The following SMCHD1 variants were observed in gnomAD, a reference collection of about 807,000 sequenced individuals.
The protein encoded by SMCHD1 is structural maintenance of chromosomes flexible hinge domain-containing protein 1.
Under a neutral mutation model 254.7 loss-of-function variants are expected in SMCHD1, and 78 were observed. The ratio of observed to expected loss-of-function variants is 0.31; its 90% confidence interval spans 0.26 to 0.37. SMCHD1 has a LOEUF of 0.37. Ranked by LOEUF, SMCHD1 falls within the 10% of genes least tolerant of loss-of-function variation. The probability of loss-of-function intolerance (pLI) is 1.00; values close to 1 mark genes in which losing one functional copy is unlikely to be tolerated. For missense variants in SMCHD1, 1,840 were observed against 2,408.1 expected (o/e 0.76, Z 4.94); for synonymous variants, 766 against 794.9 (o/e 0.96, Z 0.61).
intron 15 of SMCHD1, among the ~76,000 whole-genome samples, chr18:2,707,167 A>AAAG (rs138812223): frequency 3.9e-5 from 6 of 152,136 alleles, no homozygotes; most frequent in Non-Finnish European, 5.9e-5. Context: ...AGTGAGTTAT[A>AAAG]AAGAAGAAGA....
rs536581205 is a variant in SMCHD1 at position 2,803,342 on chromosome 18, A to G, written c.*790A>G. 6.6e-6 allele frequency: 1 copy of G among 151,352 alleles called. No homozygotes were observed. The highest frequency in any genetic ancestry group is 2.1e-4 in the South Asian group (1 of 4,814). The allele number at this position is 151,352 out of a possible 1,614,324, so 9.4% of individuals were successfully genotyped here. ...CATTTACATTATTTTGTAATTTTTT[A>G]TTACTATTTTTAAGGGGTTAAAGAG... On this transcript the variant is annotated 3_prime_UTR_variant, in exon 48 of 48. Coordinates refer to ENST00000320876, the MANE Select transcript of SMCHD1 (RefSeq NM_015295.3).
chr18:2,770,597 G>A (rs1410134577), intron 39 of SMCHD1, among the ~76,000 whole-genome samples: 1 of 152,026 alleles, frequency 6.6e-6, no homozygotes, highest in African/African-American at 2.4e-5. Context: ...AAAGTTTGCT[G>A]CAGTTTTGTT....
At chr18:2,747,777 AAAT>A (rs1357271072) in intron 30 of SMCHD1, 130 bp downstream of exon 30, 23 of 814,274 alleles carry the variant, frequency 2.8e-5, no homozygotes, top group African/African-American at 7.0e-5. Context: ...TGCTTAGTGT[AAAT>A]AAACCTCAAA....
intron 5 of SMCHD1, among the ~76,000 whole-genome samples, chr18:2,674,966 C>T (rs1179058600): frequency 2.0e-5 from 3 of 152,154 alleles, no homozygotes; most frequent in Non-Finnish European, 2.9e-5. Flanking sequence ...CTTAACAGTG[C>T]CATTTAAGAG....
intron 44 of SMCHD1, among the ~76,000 whole-genome samples, chr18:2,781,659 AAG>A (rs1249024231): frequency 1.3e-5 from 2 of 152,166 alleles, no homozygotes; most frequent in East Asian, 3.8e-4. Flanking sequence ...TGTTGAAAAT[AAG>A]AAAAGAATAA....
intron 13 of SMCHD1, 131 bp downstream of exon 13, chr18:2,704,017 A>AG: frequency 1.5e-6 from 1 of 648,864 alleles, no homozygotes; most frequent in East Asian, 3.2e-5. Context: ...CATTTCATGA[A>AG]GAACATTTAT....
At chr18:2,770,841 G>T (rs7239597) in intron 39 of SMCHD1, among the ~76,000 whole-genome samples, 3 of 152,002 alleles carry the variant, frequency 2.0e-5, no homozygotes, top group Non-Finnish European at 4.4e-5. Context: ...GGCTGGTCTC[G>T]AACTTCTTAC....
In SMCHD1 at chr18:2,776,920, C is replaced by T. The variant is rs543050541; in HGVS notation, c.5367-886C>T. On this transcript the variant is annotated intron_variant, in intron 42 of 47. Transcript: ENST00000320876. ...AATACTTTTTCTTTTCTTAAGAGAA[C>T]GGTTTTCACTTGCCCAGGCTGGAGT... Among the ~76,000 whole-genome samples, 6 of 152,142 alleles carry T rather than the reference C, an allele frequency of 3.9e-5. No individual in the cohort carries two copies. The South Asian group carries it at 1.0e-3, about 26-fold the overall frequency.
intron 8 of SMCHD1, among the ~76,000 whole-genome samples, chr18:2,696,828 G>T (rs2074295351): frequency 6.6e-6 from 1 of 152,110 alleles, no homozygotes; most frequent in South Asian, 2.1e-4. Flanking sequence ...TACACTTCTT[G>T]CACCCCAGGT....
intron 30 of SMCHD1, among the ~76,000 whole-genome samples, chr18:2,748,240 A>T (rs1210589390): frequency 6.6e-6 from 1 of 151,224 alleles, no homozygotes; most frequent in African/African-American, 2.4e-5. Flanking sequence ...GGTATCATTT[A>T]TTCCTATGAG....
At chr18:2,711,429 G>A (rs1220235068) in intron 17 of SMCHD1, among the ~76,000 whole-genome samples, 1 of 150,396 alleles carries the variant, frequency 6.6e-6, no homozygotes, top group Non-Finnish European at 1.5e-5. Context: ...AGCCATGCTT[G>A]CATTCCAAGA....
In SMCHD1 at chr18:2,762,352, A is replaced by G. The variant is rs76381514; in HGVS notation, c.4566+116A>G. On this transcript the variant is annotated intron_variant, in intron 36 of 47. Coordinates refer to ENST00000320876, the MANE Select transcript of SMCHD1 (RefSeq NM_015295.3). ...AGTTACTCTGATTAAGGTTATAGGG[A>G]AAACTTGTGCAGATGAATTAAATAT... 1,412 of 882,596 alleles carry G rather than the reference A, an allele frequency of 1.6e-3. 16 individuals carry two copies. In the African/African-American group the frequency reaches 0.021, roughly 13 times the overall value. 54.7% of individuals were successfully genotyped at this position (882,596 alleles called of 1,614,324 possible).
At chr18:2,716,915 C>A (rs1002263635) in intron 17 of SMCHD1, among the ~76,000 whole-genome samples, 2 of 152,226 alleles carry the variant, frequency 1.3e-5, no homozygotes, top group Admixed American at 6.5e-5. Flanking sequence ...CCAGGCCATA[C>A]CCCTCCCAGT....
chr18:2,726,409 G>A, intron 21 of SMCHD1, 43 bp from the exon 22 acceptor site: 1 of 1,012,602 alleles, frequency 9.9e-7, no homozygotes, highest in Non-Finnish European at 1.4e-6. Context: ...ACTTAAGTAT[G>A]TATTCAGGAC....
At chr18:2,770,888 C>G (rs2075970653) in intron 39 of SMCHD1, among the ~76,000 whole-genome samples, 1 of 152,170 alleles carries the variant, frequency 6.6e-6, no homozygotes, top group Non-Finnish European at 1.5e-5. Flanking sequence ...CCACAAAGTG[C>G]TAGGATTACA....
intron 45 of SMCHD1, among the ~76,000 whole-genome samples, chr18:2,786,975 G>C (rs1478077253): frequency 6.6e-6 from 1 of 152,162 alleles, no homozygotes; most frequent in East Asian, 1.9e-4. Flanking sequence ...TGAGGAATTT[G>C]AGCAGTGTCT....
chr18:2,709,232 GTATA>G (rs1555635615), intron 17 of SMCHD1, among the ~76,000 whole-genome samples: 1 of 79,652 alleles, frequency 1.3e-5, no homozygotes. Flanking sequence ...GTGTATATGT[GTATA>G]TATATATATA....
At chr18:2,657,945 G>A (rs932718942) in intron 1 of SMCHD1, among the ~76,000 whole-genome samples, 1 of 151,344 alleles carries the variant, frequency 6.6e-6, no homozygotes, top group Non-Finnish European at 1.5e-5. Context: ...ACCATGCCCA[G>A]CTATGTTTTT....
intron 34 of SMCHD1, chr18:2,760,336 G>T: frequency 5.5e-6 from 1 of 182,404 alleles, no homozygotes; most frequent in East Asian, 1.5e-4. Context: ...AAGTAGAAAT[G>T]AAGCAAAATT....
Sources: gnomAD v4.1 joint callset for allele counts (sites outside exome capture counted in the v4.1 genomes callset) on GRCh38, gnomAD v4.1.1 for gene constraint, MANE v1.5 for transcripts, NCBI Gene and HGNC (gene_info 2026-07-23, HGNC 2026-07-21) for gene names.